The following ATP1B3 variants were observed in gnomAD, a reference collection of about 807,000 sequenced individuals.
ATP1B3 encodes sodium/potassium-transporting ATPase subunit beta-3.
A neutral mutation model predicts 30.2 loss-of-function variants in ATP1B3; 10 were observed. The observed-to-expected ratio is 0.33, with a 90% CI of 0.20 to 0.56. The LOEUF is 0.56. Ranked by LOEUF, ATP1B3 falls within the 20% of genes least tolerant of loss-of-function variation. ATP1B3 has a pLI of 0.90. For synonymous variants in ATP1B3, 113 were observed against 117.0 expected, an observed-to-expected ratio of 0.97 and a Z score of 0.22; for missense variants, 238 against 336.7, an observed-to-expected ratio of 0.71 and a Z score of 2.29.
chr3:141,908,089 T>TTTTTTTTTTTTTA (rs1553744971), intron 3 of ATP1B3, among the ~76,000 whole-genome samples: 2 of 130,488 alleles, frequency 1.5e-5, no homozygotes, highest in African/African-American at 3.1e-5. Flanking sequence ...TTTTTTTTTT[T>TTTTTTTTTTTTTA]ATTATACTTT....
intron 1 of ATP1B3, among the ~76,000 whole-genome samples, chr3:141,877,803 T>C (rs1355924127): frequency 6.6e-6 from 1 of 151,714 alleles, no homozygotes; most frequent in Non-Finnish European, 1.5e-5. Flanking sequence ...TTCCTAAAAT[T>C]GTATCAATCT....
intron 2 of ATP1B3, among the ~76,000 whole-genome samples, chr3:141,905,816 G>A (rs1008098908): frequency 6.6e-6 from 1 of 151,994 alleles, no homozygotes; most frequent in Non-Finnish European, 1.5e-5. Context: ...ATAATTGCAT[G>A]AAATATATAA....
At chr3:141,917,829 A>G (rs1376698081) in intron 5 of ATP1B3, among the ~76,000 whole-genome samples, 2 of 149,316 alleles carry the variant, frequency 1.3e-5, no homozygotes, top group East Asian at 2.0e-4. Flanking sequence ...GTGCAGTGGC[A>G]TGATCTCGGC....
chr3:141,922,424 G>A (rs753603672), intron 6 of ATP1B3, among the ~76,000 whole-genome samples: 16 of 152,024 alleles, frequency 1.1e-4, no homozygotes, highest in South Asian at 2.1e-4. Context: ...AGGCCAAGGC[G>A]GGCGCATTAC....
chr3:141,879,882 CTT>C (rs1933689980), intron 1 of ATP1B3, among the ~76,000 whole-genome samples: 1 of 28,660 alleles, frequency 3.5e-5, no homozygotes, highest in African/African-American at 1.6e-4. Context: ...TTCTAGTTGT[CTT>C]TTTGACTTTT....
chr3:141,902,268 A>G (rs1934178353), intron 1 of ATP1B3: 1 of 1,232,422 alleles, frequency 8.1e-7, no homozygotes, highest in South Asian at 1.3e-5. Flanking sequence ...CTAAATTATA[A>G]AATGAAATTG....
chr3:141,895,490 T>C (rs563322396), intron 1 of ATP1B3, among the ~76,000 whole-genome samples: 1 of 152,236 alleles, frequency 6.6e-6, no homozygotes, highest in East Asian at 1.9e-4. Context: ...GCGTCCCGCC[T>C]CTTTTTTCTT....
intron 1 of ATP1B3, among the ~76,000 whole-genome samples, chr3:141,894,551 A>G (rs1934023132): frequency 6.6e-6 from 1 of 152,076 alleles, no homozygotes; most frequent in African/African-American, 2.4e-5. Flanking sequence ...ATTCTATAAC[A>G]TTTTTTCTAT....
chr3:141,925,783 A>G lies in ATP1B3; in HGVS notation c.*82A>G, dbSNP rs1482734712. 1 of 1,495,062 alleles carries G rather than the reference A, an allele frequency of 6.7e-7. No individual in the cohort carries two copies. 92.6% of individuals were successfully genotyped at this position (1,495,062 alleles called of 1,614,324 possible). On this transcript the variant is annotated 3_prime_UTR_variant, in exon 7 of 7. Transcript: ENST00000286371. The stretch of plus-strand genomic sequence containing the variant: ...CAGCTGGACCTTCCATTCTAGAATT[A>G]TGAGACCACCTTGGAGAAAGGTGTG...
chr3:141,907,340 C>A, intron 3 of ATP1B3, 66 bp downstream of exon 3: 1 of 1,339,008 alleles, frequency 7.5e-7, no homozygotes, highest in Non-Finnish European at 1.0e-6. Flanking sequence ...AAATTGTGGG[C>A]CGGGCACGGT....
chr3:141,921,846 A>G, intron 5 of ATP1B3, 131 bp from the exon 6 acceptor site: 1 of 529,292 alleles, frequency 1.9e-6, no homozygotes, highest in African/African-American at 2.0e-5. Flanking sequence ...TACACTTGTA[A>G]TGATAATATA....
At chr3:141,887,165 A>C (rs1393376517) in intron 1 of ATP1B3, among the ~76,000 whole-genome samples, 1 of 152,206 alleles carries the variant, frequency 6.6e-6, no homozygotes, top group Non-Finnish European at 1.5e-5. Context: ...GCAACTACCT[A>C]ACTCCATTAC....
chr3:141,922,034 T>C lies in ATP1B3; in HGVS notation c.640T>C (p.Tyr214His). 1 of 1,543,348 alleles carries C rather than the reference T, an allele frequency of 6.5e-7. No individual in the cohort carries two copies. Among genetic ancestry groups the C allele is most frequent in the Non-Finnish European group, 8.8e-7 (1 of 1,131,704 alleles). ...TCATAATGGAATGATAGACTTAAAATATTTCCCATATTATGGGAAAAAACT... is the reference window on the plus strand; with the variant it reads ...TCATAATGGAATGATAGACTTAAAACATTTCCCATATTATGGGAAAAAACT... ...YPHNGMIDLK[Y>H]FPYYGKKLHV... The change falls in exon 6 of 7, where the codon TAT (tyrosine) becomes CAT (histidine). Residue 214 changes from tyrosine (Y) to histidine (H), a missense_variant. This residue lies in a region of ATP1B3 where 58 missense variants were observed against 125.6 expected (regional missense o/e 0.46). Coordinates refer to ENST00000286371, the MANE Select transcript of ATP1B3 (RefSeq NM_001679.4).
In ATP1B3 at chr3:141,912,711, A is replaced by G. The variant is rs537865715; in HGVS notation, c.347-941A>G. Among the ~76,000 whole-genome samples, 5 of 152,352 alleles carry G rather than the reference A, an allele frequency of 3.3e-5. No homozygotes were observed. The South Asian group carries it at 1.0e-3, about 32-fold the overall frequency. ...ATTAAGTTAATTGAGGGCAGGGGTC[A>G]CATCAGGCTTGCTCACTTTGTGCCT... On this transcript the variant is annotated intron_variant, in intron 3 of 6. Transcript: ENST00000286371.
At chr3:141,907,135 T>C (rs559746096) in intron 2 of ATP1B3, 32 bp from the exon 3 acceptor site, 66 of 1,501,372 alleles carry the variant, frequency 4.4e-5, no homozygotes, top group South Asian at 3.9e-4. Flanking sequence ...GAGAAGGAAA[T>C]TTGATAATCT....
intron 1 of ATP1B3, among the ~76,000 whole-genome samples, chr3:141,901,692 T>G (rs1934165413): frequency 8.2e-6 from 1 of 121,576 alleles, no homozygotes; most frequent in South Asian, 2.5e-4. Context: ...ATCTGCTATA[T>G]ATTTATTTGC....
intron 1 of ATP1B3, among the ~76,000 whole-genome samples, chr3:141,881,065 T>C (rs999233997): frequency 6.6e-6 from 1 of 152,024 alleles, no homozygotes; most frequent in African/African-American, 2.4e-5. Flanking sequence ...TAGCCCGGCA[T>C]GGTGGCGGGT....
chr3:141,913,922 T>C, intron 4 of ATP1B3, 86 bp downstream of exon 4: 2 of 1,296,740 alleles, frequency 1.5e-6, no homozygotes, highest in Non-Finnish European at 2.1e-6. Context: ...TGTGGTTGGG[T>C]TAATGCCTTC....
intron 4 of ATP1B3, 72 bp from the exon 5 acceptor site, chr3:141,915,898 C>T: frequency 1.6e-6 from 2 of 1,247,024 alleles, no homozygotes; most frequent in Non-Finnish European, 2.3e-6. Context: ...CCCTTGTTCC[C>T]AGCAACAGAG....
Sources: gnomAD v4.1 joint callset for allele counts (sites outside exome capture counted in the v4.1 genomes callset) on GRCh38, gnomAD v4.1.1 for gene constraint, gnomAD v4.1.1 regional missense constraint, MANE v1.5 for transcripts, NCBI Gene and HGNC (gene_info 2026-07-23, HGNC 2026-07-21) for gene names.